WDR20: variants seen among roughly 807,000 people sequenced by gnomAD.
The protein encoded by WDR20 is WD repeat domain 20, also known as WD repeat-containing protein 20.
A neutral mutation model predicts 38.7 loss-of-function variants in WDR20; 3 were observed. That is an observed-to-expected ratio of 0.08 (90% confidence interval 0.04 to 0.20). The LOEUF (loss-of-function observed/expected upper bound fraction) is 0.20. WDR20 is among the 10% of genes least tolerant of loss of function. The probability of loss-of-function intolerance (pLI) is 1.00; values close to 1 mark genes in which losing one functional copy is unlikely to be tolerated. For synonymous variants in WDR20, 298 were observed against 285.6 expected, an observed-to-expected ratio of 1.04 and a Z score of -0.44; for missense variants, 559 against 727.7, an observed-to-expected ratio of 0.77 and a Z score of 2.67.
chr14:102,193,420 T>C lies in WDR20; in HGVS notation c.250-1518T>C, dbSNP rs1057115940. 3.8e-6 allele frequency: 6 copies of C among 1,595,220 alleles called. No individual in the cohort carries two copies. The African/African-American group carries it at 5.4e-5, about 14-fold the overall frequency. On this transcript the variant is annotated intron_variant, in intron 1 of 2. Coordinates refer to ENST00000342702, the MANE Select transcript of WDR20 (RefSeq NM_144574.4). The stretch of plus-strand genomic sequence containing the variant: ...TGTATCATGCTTTGTATTACACTTT[T>C]CAAGGCTCTTTCATGTATATATTCT...
At chr14:102,155,187 AT>A (rs2057076405) in intron 1 of WDR20, among the ~76,000 whole-genome samples, 2 of 152,184 alleles carry the variant, frequency 1.3e-5, no homozygotes, top group Admixed American at 6.5e-5. Context: ...AGAGATGAGA[AT>A]ATCTGTCCTG....
At chr14:102,155,448 C>T (rs1421999112) in intron 1 of WDR20, among the ~76,000 whole-genome samples, 1 of 151,990 alleles carries the variant, frequency 6.6e-6, no homozygotes, top group Non-Finnish European at 1.5e-5. Flanking sequence ...CTTAGAGAGA[C>T]CAGAGAGAGA....
chr14:102,205,075 G>A (rs886589056), intron 2 of WDR20, among the ~76,000 whole-genome samples: 1 of 152,118 alleles, frequency 6.6e-6, no homozygotes, highest in African/African-American at 2.4e-5. Context: ...ACAACATAGC[G>A]ACACCCTGTA....
At chr14:102,144,444 C>T (rs868499564) in intron 1 of WDR20, among the ~76,000 whole-genome samples, 49 of 150,200 alleles carry the variant, frequency 3.3e-4, no homozygotes, top group Non-Finnish European at 5.6e-4. Flanking sequence ...ATCATACCAC[C>T]GCACTCCAGC....
rs910900527 is a variant in WDR20, at chr14:102,209,970, C to G, written c.*90C>G. 2.7e-6 allele frequency: 4 copies of G among 1,492,398 alleles called. No homozygotes were observed. Among genetic ancestry groups the G allele is most frequent in the Non-Finnish European group, 3.5e-6 (4 of 1,129,886 alleles). The allele number at this position is 1,492,398 out of a possible 1,614,324, so 92.4% of individuals were successfully genotyped here. On this transcript the variant is annotated 3_prime_UTR_variant, in exon 3 of 3. Transcript: ENST00000342702. This position sits in a 1 kb window ranked among gnomAD's most constrained non-coding sequence, Gnocchi z 6.0. ...TGTACAATGAATGTGAATGACACTT[C>G]TTATTCTTAATGTAAATCTCAATGC...
At chr14:102,198,284 AT>A in intron 2 of WDR20, 1 of 346,338 alleles carries the variant, frequency 2.9e-6, no homozygotes. Context: ...CACCTGACTA[AT>A]TTTTGTATTT....
chr14:102,155,011 G>A (rs956436323), intron 1 of WDR20, among the ~76,000 whole-genome samples: 1 of 152,172 alleles, frequency 6.6e-6, no homozygotes, highest in African/African-American at 2.4e-5. Flanking sequence ...ACCTGAAGCT[G>A]CCATCCCAGC....
chr14:102,186,154 A>C (rs1427334057), intron 1 of WDR20, among the ~76,000 whole-genome samples: 1 of 152,238 alleles, frequency 6.6e-6, no homozygotes, highest in Non-Finnish European at 1.5e-5. Context: ...GGCTCTTTAC[A>C]TACTGTTAAT....
downstream of WDR20, chr14:102,212,539 GGC>G: frequency 6.5e-7 from 1 of 1,535,988 alleles, no homozygotes; most frequent in Non-Finnish European, 8.7e-7. Flanking sequence ...CACTTCTGCA[GGC>G]AGGAGGACAG....
At chr14:102,214,058 G>A, downstream of WDR20, 2 of 985,588 alleles carry the variant, frequency 2.0e-6, no homozygotes, top group Non-Finnish European at 2.4e-6. Flanking sequence ...GGAGGGACTG[G>A]CCTCTGACTG....
intron 2 of WDR20, chr14:102,197,822 G>T (rs901347895): frequency 7.1e-6 from 5 of 702,780 alleles, no homozygotes; most frequent in Admixed American, 4.0e-5. Context: ...AGCAAGACCA[G>T]TGAGGAGGCT....
chr14:102,147,050 A>G (rs1233090258), intron 1 of WDR20, among the ~76,000 whole-genome samples: 3 of 152,190 alleles, frequency 2.0e-5, no homozygotes, highest in Non-Finnish European at 4.4e-5. Flanking sequence ...CATTTAAAGC[A>G]GGAGATACTT....
chr14:102,214,251 C>A, downstream of WDR20: 1 of 985,650 alleles, frequency 1.0e-6, no homozygotes, highest in Non-Finnish European at 1.2e-6. Flanking sequence ...AGGGCCCCCC[C>A]TTGTCTGGAG....
At chr14:102,193,813 C>T (rs928508053) in intron 1 of WDR20, among the ~76,000 whole-genome samples, 2 of 151,854 alleles carry the variant, frequency 1.3e-5, no homozygotes, top group East Asian at 1.9e-4. Context: ...GGCCACACAG[C>T]GTGAACTGGG....
intron 2 of WDR20, among the ~76,000 whole-genome samples, chr14:102,200,467 T>TTTTTGTGTGTGTGTGTGTG (rs748066838): frequency 8.5e-6 from 1 of 117,688 alleles, no homozygotes; most frequent in African/African-American, 3.1e-5. Context: ...ATTTTTTTTT[T>TTTTTGTGTGTGTGTGTGTG]TGTGTGTGTG....
chr14:102,206,885 C>CA (rs1056911695), intron 2 of WDR20, among the ~76,000 whole-genome samples: 3 of 151,778 alleles, frequency 2.0e-5, no homozygotes, highest in Admixed American at 2.0e-4. Context: ...CCTCCACCAT[C>CA]AAAAAAAAGC....
chr14:102,184,389 A>G (rs890644451), intron 1 of WDR20, among the ~76,000 whole-genome samples: 13 of 152,178 alleles, frequency 8.5e-5, no homozygotes, highest in Non-Finnish European at 1.5e-5. Flanking sequence ...AGAGAAGTAG[A>G]TTGTAATAGC....
At chr14:102,174,012 C>T (rs1040530012) in intron 1 of WDR20, among the ~76,000 whole-genome samples, 1 of 150,756 alleles carries the variant, frequency 6.6e-6, no homozygotes, top group Non-Finnish European at 1.5e-5. Flanking sequence ...CCATTGCACT[C>T]CAGCCTGGGC....
chr14:102,176,424 C>T lies in WDR20; in HGVS notation c.250-18514C>T, dbSNP rs189808007. Among the ~76,000 whole-genome samples, 597 of 120,724 alleles carry T rather than the reference C, an allele frequency of 4.9e-3. 4 individuals carry two copies. Among genetic ancestry groups the T allele is most frequent in the Middle Eastern group, 0.013 (2 of 158 alleles). The allele number at this position is 120,724 out of a possible 152,430, so 79.2% of individuals were successfully genotyped here. Reference sequence around the variant, plus strand: ...AAAATCAAGTGTAAGTGGGGCCGGGCGTGGTGGCTCACGCCTGTAATCCCA... The same window carrying T: ...AAAATCAAGTGTAAGTGGGGCCGGGTGTGGTGGCTCACGCCTGTAATCCCA... On this transcript the variant is annotated intron_variant, in intron 1 of 2. Coordinates refer to ENST00000342702, the MANE Select transcript of WDR20 (RefSeq NM_144574.4).
Sources: allele counts gnomAD v4.1 joint callset (sites outside exome capture counted in the v4.1 genomes callset), GRCh38; gene constraint gnomAD v4.1.1; non-coding constraint Gnocchi (gnomAD v3.1); transcripts MANE v1.5; gene names NCBI Gene and HGNC (gene_info 2026-07-23, HGNC 2026-07-21).